The following DOK5 variants were observed in gnomAD, a reference collection of about 807,000 sequenced individuals.
DOK5 encodes downstream of tyrosine kinase 5.
DOK5 carries 27 observed loss-of-function variants against 43.3 expected under a neutral mutation model. The ratio of observed to expected loss-of-function variants is 0.62; its 90% CI spans 0.46 to 0.86. The LOEUF is 0.86. DOK5 is among the 40% of genes least tolerant of loss of function. The pLI is 0.00. For synonymous variants in DOK5, 146 were observed against 140.1 expected, an observed-to-expected ratio of 1.04 and a Z score of -0.30; for missense variants, 373 against 392.9, an observed-to-expected ratio of 0.95 and a Z score of 0.43.
intron 1 of DOK5, among the ~76,000 whole-genome samples, chr20:54,508,153 T>C (rs1015593988): frequency 9.2e-5 from 14 of 152,110 alleles, no homozygotes; most frequent in Admixed American, 9.2e-4. Flanking sequence ...TTTAGACCCA[T>C]AGACTTCAAA....
At chr20:54,556,897 C>A (rs1568782423) in intron 2 of DOK5, among the ~76,000 whole-genome samples, 1 of 152,160 alleles carries the variant, frequency 6.6e-6, no homozygotes, top group Non-Finnish European at 1.5e-5. Flanking sequence ...CATATGCCAA[C>A]CTTTCTGAAT....
intron 5 of DOK5, among the ~76,000 whole-genome samples, chr20:54,598,559 A>G (rs1986212773): frequency 6.6e-6 from 1 of 152,204 alleles, no homozygotes; most frequent in Non-Finnish European, 1.5e-5. Context: ...CTTCAATGTC[A>G]GACTTGCCTT....
In DOK5 at chr20:54,478,698, T is replaced by A. The variant is rs145007941; in HGVS notation, c.66+2686T>A. ...AGGGAACGCATTCTGCTTCTATTGC[T>A]TGTTGACCTTTGACCTTTCTTGGCC... On this transcript the variant is annotated intron_variant, in intron 1 of 7. Coordinates refer to ENST00000262593, the MANE Select transcript of DOK5 (RefSeq NM_018431.5). Among the ~76,000 whole-genome samples the A allele has an allele frequency of 1.0e-3, 155 of 152,338 alleles. 3 individuals carry two copies. Among genetic ancestry groups the A allele is most frequent in the East Asian group, 1.9e-3 (10 of 5,184 alleles).
intron 6 of DOK5, among the ~76,000 whole-genome samples, chr20:54,620,494 C>T (rs6098123): frequency 0.095 from 14,393 of 152,244 alleles, 930 homozygotes; most frequent in African/African-American, 0.17. Context: ...CAGCCTCTGC[C>T]TCCCAAAGTG....
intron 1 of DOK5, among the ~76,000 whole-genome samples, chr20:54,479,947 T>A (rs536214888): frequency 1.3e-5 from 2 of 151,978 alleles, no homozygotes; most frequent in Non-Finnish European, 2.9e-5. Context: ...ATCTTTGAAA[T>A]ATATCTAGAA....
At chr20:54,636,161 T>A (rs1978817405) in intron 6 of DOK5, among the ~76,000 whole-genome samples, 1 of 152,234 alleles carries the variant, frequency 6.6e-6, no homozygotes, top group Admixed American at 6.5e-5. Context: ...GCTGACTCCA[T>A]CTTGATTCTA....
At chr20:54,606,274 C>CT (rs1235508592) in intron 5 of DOK5, among the ~76,000 whole-genome samples, 88 of 151,752 alleles carry the variant, frequency 5.8e-4, no homozygotes, top group Admixed American at 2.8e-3. Context: ...CTAACTTAAA[C>CT]TTTTTTTTTA....
At chr20:54,497,441 C>T (rs1383630493) in intron 1 of DOK5, among the ~76,000 whole-genome samples, 1 of 152,172 alleles carries the variant, frequency 6.6e-6, no homozygotes, top group Non-Finnish European at 1.5e-5. Flanking sequence ...ACTTGTGTAA[C>T]ATAAGCATAG....
At position 54,650,656 on chromosome 20, in the gene DOK5, T is replaced by G. The variant is rs555481837; in HGVS notation, c.*177T>G. The G allele has an allele frequency of 3.6e-6, 2 of 557,218 alleles. No individual in the cohort carries two copies. The highest frequency in any genetic ancestry group is 7.1e-5 in the Admixed American group (2 of 28,348). 34.5% of individuals were successfully genotyped at this position (557,218 alleles called of 1,614,324 possible). A position where few individuals can be genotyped will look rare whatever the true frequency, so the allele number is the denominator to read the frequency against. The stretch of plus-strand genomic sequence containing the variant: ...AATAATTTTCTTTATTTTCTTTTTC[T>G]TTTTTAAATTCTTAGTGTAATTGAA... On this transcript the variant is annotated 3_prime_UTR_variant, in exon 8 of 8. Coordinates refer to ENST00000262593, the MANE Select transcript of DOK5 (RefSeq NM_018431.5).
chr20:54,490,919 G>A (rs1302685874), intron 1 of DOK5, among the ~76,000 whole-genome samples: 1 of 152,122 alleles, frequency 6.6e-6, no homozygotes, highest in Admixed American at 6.5e-5. Flanking sequence ...TCTGGCTATA[G>A]CATCTACTTT....
chr20:54,475,876 G>GC lies in DOK5; in HGVS notation c.-68dup. On this transcript the variant is annotated 5_prime_UTR_variant, in exon 1 of 8. Transcript: ENST00000262593. This position sits in a 1 kb window ranked among gnomAD's most constrained non-coding sequence, Gnocchi z 4.2. ...CCCACCGACTGCTTGTCTTGACCCT[G>GC]CCCTCCACCCTCCCCAGAGCCACTT... The GC allele has an allele frequency of 6.3e-7, 1 of 1,583,224 alleles. No homozygotes were observed. Among genetic ancestry groups the GC allele is most frequent in the Non-Finnish European group, 8.6e-7 (1 of 1,161,110 alleles).
chr20:54,628,176 TGTAA>T (rs1978384936), intron 6 of DOK5, among the ~76,000 whole-genome samples: 1 of 152,000 alleles, frequency 6.6e-6, no homozygotes, highest in Admixed American at 6.5e-5. Context: ...AAGAACAAGT[TGTAA>T]GTGATTATGT....
chr20:54,638,621 G>A (rs1978953293), intron 6 of DOK5, among the ~76,000 whole-genome samples: 1 of 152,104 alleles, frequency 6.6e-6, no homozygotes, highest in African/African-American at 2.4e-5. Context: ...AACAAAATGG[G>A]TTATTTGTAA....
At position 54,475,716 on chromosome 20, in the gene DOK5, G is replaced by T; in HGVS notation, c.-231G>T. The T allele has an allele frequency of 1.7e-6, 1 of 583,734 alleles. No individual in the cohort carries two copies. Among genetic ancestry groups the T allele is most frequent in the Non-Finnish European group, 3.0e-6 (1 of 338,032 alleles). The allele number at this position is 583,734 out of a possible 1,614,324, so 36.2% of individuals were successfully genotyped here. A position where few individuals can be genotyped will look rare whatever the true frequency, so the allele number is the denominator to read the frequency against. On this transcript the variant is annotated 5_prime_UTR_variant, in exon 1 of 8. Coordinates refer to ENST00000262593, the MANE Select transcript of DOK5 (RefSeq NM_018431.5). The surrounding 1 kb of genome is among the most constrained non-coding windows in gnomAD (Gnocchi z 4.2). ...CGGCGCTCCAGCCTCGCCTCCCCGCGCCGCGCTCTGCGCTCCCCGAAAGTG... is the reference window on the plus strand; with the variant it reads ...CGGCGCTCCAGCCTCGCCTCCCCGCTCCGCGCTCTGCGCTCCCCGAAAGTG...
intron 7 of DOK5, 39 bp downstream of exon 7, chr20:54,643,617 G>T: frequency 2.5e-6 from 4 of 1,593,494 alleles, no homozygotes; most frequent in Non-Finnish European, 2.6e-6. Context: ...TGTGGGCCAG[G>T]CCTGGGAGTA....
chr20:54,522,306 A>C (rs2426525), intron 1 of DOK5, among the ~76,000 whole-genome samples: 22,974 of 152,158 alleles, frequency 0.15, 4,577 homozygotes, highest in African/African-American at 0.46. Context: ...CTGCATGTAG[A>C]CCATGGGTCG....
At chr20:54,494,939 G>A (rs1372110649) in intron 1 of DOK5, 1 of 150,910 alleles carries the variant, frequency 6.6e-6, no homozygotes, top group African/African-American at 2.4e-5. Context: ...TCTAAAGAGG[G>A]ATTTAAGACC....
rs775922103 is a variant in DOK5, at chr20:54,588,782, A to C, written c.385A>C (p.Thr129Pro). ...CCTTGGAGAGCCTGACTTACTGGCC[A>C]CTGGGGTTGAGAGAGAACAGAGTGG... ...ISLGEPDLLA[T>P]GVEREQSERF... The change falls in exon 4 of 8, where the codon ACT becomes CCT. Residue 129 changes from threonine to proline, a missense_variant. Coordinates refer to ENST00000262593, the MANE Select transcript of DOK5 (RefSeq NM_018431.5). 6.2e-7 allele frequency: 1 copy of C among 1,613,856 alleles called. No individual in the cohort carries two copies. The highest frequency in any genetic ancestry group is 8.5e-7 in the Non-Finnish European group (1 of 1,179,906).
chr20:54,631,243 T>C (rs1978552820), intron 6 of DOK5, among the ~76,000 whole-genome samples: 1 of 152,112 alleles, frequency 6.6e-6, no homozygotes, highest in Admixed American at 6.5e-5. Flanking sequence ...CAAAACTCCA[T>C]CTCTACAAAA....
Sources: gnomAD v4.1 joint callset for allele counts (sites outside exome capture counted in the v4.1 genomes callset) on GRCh38, gnomAD v4.1.1 for gene constraint, Gnocchi (gnomAD v3.1) non-coding constraint, MANE v1.5 for transcripts, NCBI Gene and HGNC (gene_info 2026-07-23, HGNC 2026-07-21) for gene names.